MCF2: variants seen among roughly 807,000 people sequenced by gnomAD.
MCF2 encodes proto-oncogene DBL.
In MCF2, 44 loss-of-function variants were observed where a neutral mutation model predicts 82.5. The ratio of observed to expected loss-of-function variants is 0.53; its 90% CI spans 0.42 to 0.69. The LOEUF (loss-of-function observed/expected upper bound fraction) is 0.69, where lower values mean the gene tolerates loss of function less well. Ranked by LOEUF, MCF2 falls within the 30% of genes least tolerant of loss-of-function variation. The pLI is 0.00. For missense variants in MCF2, 623 were observed against 663.1 expected (o/e 0.94, Z 0.66); for synonymous variants, 217 against 224.9 (o/e 0.96, Z 0.32).
rs1930934704 is a variant in MCF2 at position 139,605,631 on chromosome X, G to T, written c.1557+82C>A. ...ACCAAGGAAGGAGACGGAAGTAGAA[G>T]ATTGCCCCTAAACACTTTCTAATGA... is the stretch of plus-strand genomic sequence containing the variant. On this transcript the variant is annotated intron_variant, in intron 13 of 24. Coordinates refer to ENST00000370576, the Ensembl canonical transcript of MCF2. 8.4e-6 allele frequency: 7 copies of T among 831,273 alleles called. No homozygotes were observed. The Admixed American group carries it at 1.6e-4, about 19-fold the overall frequency. 68.5% of individuals were successfully genotyped at this position (831,273 alleles called of 1,213,427 possible). A position where few individuals can be genotyped will look rare whatever the true frequency, so the allele number is the denominator to read the frequency against.
At chrX:139,632,512 G>A in intron 1 of MCF2, 58 bp from the exon 5 acceptor site, 8 of 1,016,478 alleles carry the variant, frequency 7.9e-6, no homozygotes, top group Non-Finnish European at 1.1e-5. Context: ...ACACTCAACT[G>A]AGCACATATC....
chrX:139,685,726 T>A (rs1935105585), intron 1 of MCF2, among the ~76,000 whole-genome samples: 1 of 111,299 alleles, frequency 9.0e-6, no homozygotes, highest in Admixed American at 9.6e-5. Context: ...AAACCCTAAA[T>A]ACTCCTCCAA....
intron 1 of MCF2, among the ~76,000 whole-genome samples, chrX:139,636,757 T>C (rs1290531043): frequency 9.0e-6 from 1 of 110,749 alleles, no homozygotes; most frequent in Non-Finnish European, 1.9e-5. Context: ...GCAAGATGAG[T>C]GGGGAAGTGA....
intron 1 of MCF2, among the ~76,000 whole-genome samples, chrX:139,706,076 TG>T (rs1935584229): frequency 8.9e-6 from 1 of 112,549 alleles, no homozygotes; most frequent in South Asian, 3.7e-4. Context: ...AGATGCTGGC[TG>T]GCAAGGCAGC....
At chrX:139,651,633 G>T in intron 2 of MCF2, 87 bp downstream of exon 2, 2 of 513,321 alleles carry the variant, frequency 3.9e-6, no homozygotes, top group South Asian at 7.0e-5. Context: ...TATATATAGA[G>T]AGCGAGCTAT....
At chrX:139,602,942 G>A (rs1569351156) in intron 15 of MCF2, among the ~76,000 whole-genome samples, 1 of 111,692 alleles carries the variant, frequency 9.0e-6, no homozygotes, top group Non-Finnish European at 1.9e-5. Context: ...AGGCACTTAT[G>A]CAATTCTCTT....
intron 6 of MCF2, among the ~76,000 whole-genome samples, chrX:139,622,718 C>T (rs1472302610): frequency 9.5e-6 from 1 of 105,410 alleles, no homozygotes; most frequent in Non-Finnish European, 1.9e-5. Context: ...ACATCACACT[C>T]TGGGGCCTGT....
intron 1 of MCF2, among the ~76,000 whole-genome samples, chrX:139,658,232 T>C (rs1319624946): frequency 9.0e-6 from 1 of 111,577 alleles, no homozygotes; most frequent in Admixed American, 9.5e-5. Flanking sequence ...CTTAAGAATA[T>C]GTAAAAGTTC....
At chrX:139,598,529 T>C in intron 16 of MCF2, 31 bp from the exon 21 acceptor site, 1 of 867,233 alleles carries the variant, frequency 1.2e-6, no homozygotes. Flanking sequence ...TCAATAAAAT[T>C]AAATTAAGAC....
chrX:139,679,123 A>C (rs1243245743), intron 1 of MCF2, among the ~76,000 whole-genome samples: 1 of 112,584 alleles, frequency 8.9e-6, no homozygotes, highest in Non-Finnish European at 1.9e-5. Context: ...TACAATGTCA[A>C]CCCAAACTTT....
At chrX:139,623,507 T>C (rs1932560651) in intron 6 of MCF2, among the ~76,000 whole-genome samples, 1 of 111,657 alleles carries the variant, frequency 9.0e-6, no homozygotes, top group Non-Finnish European at 1.9e-5. Flanking sequence ...TTGTCACTTA[T>C]AAGTGGAAGT....
At chrX:139,678,583 T>C (rs1265441566) in intron 1 of MCF2, among the ~76,000 whole-genome samples, 1 of 111,828 alleles carries the variant, frequency 8.9e-6, no homozygotes. Context: ...GACAAAGAAT[T>C]AGTAATTAAT....
At chrX:139,636,298 A>C (rs978603212) in intron 1 of MCF2, among the ~76,000 whole-genome samples, 7 of 111,248 alleles carry the variant, frequency 6.3e-5, no homozygotes, top group Non-Finnish European at 1.3e-4. Context: ...AATTCCCATT[A>C]TATTATTATA....
intron 1 of MCF2, among the ~76,000 whole-genome samples, chrX:139,669,702 A>C (rs1373100766): frequency 8.9e-6 from 1 of 112,442 alleles, no homozygotes; most frequent in Non-Finnish European, 1.9e-5. Flanking sequence ...ACAGTGGAAA[A>C]TTATTTGGCA....
chrX:139,650,130 G>A (rs5953515), intron 2 of MCF2, among the ~76,000 whole-genome samples: 5,658 of 111,143 alleles, frequency 0.051, 353 homozygotes, highest in African/African-American at 0.18. Flanking sequence ...CAGGATAGGA[G>A]GATCGCTTGA....
chrX:139,621,345 C>G (rs1026206160), intron 6 of MCF2, among the ~76,000 whole-genome samples: 1 of 111,524 alleles, frequency 9.0e-6, no homozygotes, highest in South Asian at 3.7e-4. Flanking sequence ...AAAATTGATA[C>G]GTGGGACCTA....
intron 1 of MCF2, among the ~76,000 whole-genome samples, chrX:139,659,411 A>G (rs1412327360): frequency 1.8e-5 from 2 of 112,333 alleles, no homozygotes; most frequent in Non-Finnish European, 3.8e-5. Context: ...TAGTTATTCT[A>G]TGGGGCTAAT....
chrX:139,680,940 C>T, intron 1 of MCF2, among the ~76,000 whole-genome samples: 1 of 112,258 alleles, frequency 8.9e-6, no homozygotes, highest in South Asian at 3.7e-4. Flanking sequence ...GAAAGTAAAC[C>T]TGACCCTCTT....
At chrX:139,631,763 T>A (rs1162000206) in intron 2 of MCF2, among the ~76,000 whole-genome samples, 4 of 111,528 alleles carry the variant, frequency 3.6e-5, no homozygotes, top group African/African-American at 1.3e-4. Flanking sequence ...TTTTCCTCCA[T>A]CTAAAAGTTT....
Sources: gnomAD v4.1 joint callset for allele counts (sites outside exome capture counted in the v4.1 genomes callset) on GRCh38, gnomAD v4.1.1 for gene constraint, MANE v1.5 for transcripts, NCBI Gene and HGNC (gene_info 2026-07-23, HGNC 2026-07-21) for gene names.